IL16: variants seen among roughly 807,000 people sequenced by gnomAD.
IL16 encodes interleukin 16.
IL16 carries 67 observed loss-of-function variants against 110.1 expected under a neutral mutation model. That is an observed-to-expected ratio of 0.61 (90% CI 0.50 to 0.75). IL16 has a LOEUF of 0.75. IL16 is among the 30% of genes least tolerant of loss of function. IL16 has a pLI of 0.00. For synonymous variants in IL16, 689 were observed against 662.9 expected (o/e 1.04, Z -0.61); for missense variants, 1,545 against 1,655.0 (o/e 0.93, Z 1.15).
In IL16 at chr15:81,197,136, A is replaced by G; in HGVS notation, c.-118A>G. On this transcript the variant is annotated 5_prime_UTR_variant, in exon 1 of 19. Coordinates refer to ENST00000683961, the MANE Select transcript of IL16 (RefSeq NM_172217.5). ...CAGCCCCGGGGGACTGTGCATAGGG[A>G]GGTAGGTGGGCACCAGGTGAGTGAA... 1 of 1,287,892 alleles carries G rather than the reference A, an allele frequency of 7.8e-7. No homozygotes were observed. Among genetic ancestry groups the G allele is most frequent in the Non-Finnish European group, 1.0e-6 (1 of 988,004 alleles). 79.8% of individuals were successfully genotyped at this position (1,287,892 alleles called of 1,614,324 possible).
At chr15:81,206,531 A>T (rs1228415835) in intron 1 of IL16, among the ~76,000 whole-genome samples, 3 of 152,218 alleles carry the variant, frequency 2.0e-5, no homozygotes, top group Non-Finnish European at 4.4e-5. Context: ...TCAAATGTGC[A>T]CAGAACACAT....
At chr15:81,276,219 C>A (rs1596022001) in intron 6 of IL16, among the ~76,000 whole-genome samples, 1 of 152,210 alleles carries the variant, frequency 6.6e-6, no homozygotes, top group Admixed American at 6.5e-5. Context: ...ACAGACGGAA[C>A]TGATCTGAAT....
intron 4 of IL16, among the ~76,000 whole-genome samples, chr15:81,267,205 G>A (rs1466714789): frequency 6.6e-6 from 1 of 152,188 alleles, no homozygotes; most frequent in Non-Finnish European, 1.5e-5. Context: ...TTGGGAACAG[G>A]AGGCCTACCT....
chr15:81,312,370 G>A lies in IL16; in HGVS notation c.*3572G>A, dbSNP rs1458949075. 2 of 152,226 alleles carry A rather than the reference G, an allele frequency of 1.3e-5. No individual in the cohort carries two copies. Among genetic ancestry groups the A allele is most frequent in the African/African-American group, 2.4e-5 (1 of 41,442 alleles). The allele number at this position is 152,226 out of a possible 1,614,324, so 9.4% of individuals were successfully genotyped here. A position where few individuals can be genotyped will look rare whatever the true frequency, so the allele number is the denominator to read the frequency against. ...GGCCTACTCTTCCATCTTTCCTGAT[G>A]GCAGGATGGCCTGGCCAGGGCCTGG... On this transcript the variant is annotated 3_prime_UTR_variant, in exon 19 of 19. Coordinates refer to ENST00000683961, the MANE Select transcript of IL16 (RefSeq NM_172217.5).
chr15:81,188,332 GTTC>G, intron 1 of IL16: 1 of 456,348 alleles, frequency 2.2e-6, no homozygotes, highest in Non-Finnish European at 4.4e-6. Flanking sequence ...GCACACTGCT[GTTC>G]TTTTCTTCCC....
At chr15:81,265,344 T>C (rs899328695) in intron 3 of IL16, among the ~76,000 whole-genome samples, 12 of 152,316 alleles carry the variant, frequency 7.9e-5, no homozygotes, top group Non-Finnish European at 1.3e-4. Flanking sequence ...TGATGCAGCA[T>C]TGTGGTTTCT....
At chr15:81,198,673 C>T (rs1285296224) in intron 1 of IL16, among the ~76,000 whole-genome samples, 1 of 108,876 alleles carries the variant, frequency 9.2e-6, no homozygotes, top group Non-Finnish European at 1.7e-5. Flanking sequence ...CTTTCTGGTT[C>T]CCAGCAGTGG....
intron 12 of IL16, chr15:81,295,567 A>G: frequency 8.3e-7 from 1 of 1,202,078 alleles, no homozygotes; most frequent in South Asian, 1.3e-5. Flanking sequence ...TGGACAAGAG[A>G]CTTAGAGATC....
At chr15:81,297,343 G>C (rs1357067690) in intron 13 of IL16, among the ~76,000 whole-genome samples, 1 of 152,060 alleles carries the variant, frequency 6.6e-6, no homozygotes, top group East Asian at 1.9e-4. Flanking sequence ...TGGGAGGATG[G>C]AGCCCTTGGA....
Position 81,225,451 on chromosome 15 carries a change from T to A in IL16, c.52T>A (p.Ser18Thr), listed in dbSNP as rs1896756130. Residue 18 changes from serine (S) to threonine (T), a missense_variant, in exon 2 of 19, where the codon TCC (serine) becomes ACC (threonine). By Grantham distance (58) the Ser-to-Thr change is moderately conservative. Transcript: ENST00000683961. ...GKSRKSAKFRSISRSLMLCNA... is the reference protein window; with the variant it reads ...GKSRKSAKFRTISRSLMLCNA... ...GAGCAGAAAATCTGCAAAATTTCGG[T>A]CCATCTCCAGGTCCCTGATGCTCTG... is the stretch of plus-strand genomic sequence containing the variant. The A allele has an allele frequency of 1.2e-6, 2 of 1,614,046 alleles. No homozygotes were observed. Among genetic ancestry groups the A allele is most frequent in the African/African-American group, 2.7e-5 (2 of 74,934 alleles).
chr15:81,183,913 A>T (rs1895381654), intron 1 of IL16, among the ~76,000 whole-genome samples: 1 of 152,196 alleles, frequency 6.6e-6, no homozygotes, highest in African/African-American at 2.4e-5. Flanking sequence ...AATAACTAAG[A>T]TAAAGTGTGT....
intron 2 of IL16, among the ~76,000 whole-genome samples, chr15:81,233,623 C>A (rs765566217): frequency 3.9e-4 from 59 of 151,574 alleles, no homozygotes; most frequent in Middle Eastern, 3.4e-3. Flanking sequence ...TATATACACA[C>A]AAAAAATGTG....
At chr15:81,228,074 G>A (rs1340035451) in intron 2 of IL16, among the ~76,000 whole-genome samples, 1 of 152,106 alleles carries the variant, frequency 6.6e-6, no homozygotes, top group Non-Finnish European at 1.5e-5. Flanking sequence ...GTGGAGGGGA[G>A]AGAATTCCAG....
At chr15:81,190,491 C>A (rs1226326049) in intron 1 of IL16, among the ~76,000 whole-genome samples, 1 of 152,210 alleles carries the variant, frequency 6.6e-6, no homozygotes, top group Non-Finnish European at 1.5e-5. Flanking sequence ...TGGCTCTGTA[C>A]TTTGGGCTTT....
At position 81,306,556 on chromosome 15, in the gene IL16, T is replaced by G. The variant is rs771886933; in HGVS notation, c.3805+11T>G. 1.2e-6 allele frequency: 2 copies of G among 1,611,210 alleles called. No individual in the cohort carries two copies. The highest frequency in any genetic ancestry group is 1.7e-6 in the Non-Finnish European group (2 of 1,179,992). ...ACAGGATTTTCAAAGGTGTGGGGTG[T>G]GTCTGGTTCTTTGCGTGCTCTCCAG... is the stretch of plus-strand genomic sequence containing the variant. On this transcript the variant is annotated intron_variant, in intron 18 of 18. Transcript: ENST00000683961.
At chr15:81,212,392 C>T (rs1896281124) in intron 1 of IL16, among the ~76,000 whole-genome samples, 1 of 151,880 alleles carries the variant, frequency 6.6e-6, no homozygotes, top group South Asian at 2.1e-4. Context: ...TTTATGTGAT[C>T]TATGTACTAT....
intron 3 of IL16, among the ~76,000 whole-genome samples, chr15:81,262,882 G>C (rs112797520): frequency 6.6e-6 from 1 of 152,148 alleles, no homozygotes; most frequent in Non-Finnish European, 1.5e-5. Flanking sequence ...GGTGAGCCGA[G>C]ATTGTGCCAC....
rs548405349 is a variant in IL16 at position 81,279,116 on chromosome 15, T to C, written c.864+226T>C. Among the ~76,000 whole-genome samples the C allele has an allele frequency of 2.0e-5, 3 of 152,376 alleles. No homozygotes were observed. The South Asian group carries it at 6.2e-4, about 32-fold the overall frequency. On this transcript the variant is annotated intron_variant, in intron 7 of 18. Coordinates refer to ENST00000683961, the MANE Select transcript of IL16 (RefSeq NM_172217.5). ...AAACTCTTTAATATTTATAAAATTGTTTTAAAACACTCTGTGTATTTATCA... is the reference window on the plus strand; with the variant it reads ...AAACTCTTTAATATTTATAAAATTGCTTTAAAACACTCTGTGTATTTATCA...
At chr15:81,271,296 AAAAT>A (rs1351737892) in intron 5 of IL16, among the ~76,000 whole-genome samples, 6 of 150,602 alleles carry the variant, frequency 4.0e-5, no homozygotes, top group African/African-American at 9.7e-5. Flanking sequence ...ATAAAATAAT[AAAAT>A]AAATAAATAA....
Sources: allele counts gnomAD v4.1 joint callset (sites outside exome capture counted in the v4.1 genomes callset), GRCh38; gene constraint gnomAD v4.1.1; transcripts MANE v1.5; gene names NCBI Gene and HGNC (gene_info 2026-07-23, HGNC 2026-07-21).